The following DPF3 variants were observed in gnomAD, a reference collection of about 807,000 sequenced individuals.
DPF3 encodes the protein double PHD fingers 3, also known as zinc finger protein DPF3.
In DPF3, 18 loss-of-function variants were observed where a neutral mutation model predicts 56.8. The observed-to-expected ratio is 0.32, with a 90% CI of 0.22 to 0.47. DPF3 has a LOEUF of 0.47. DPF3 is among the 20% of genes least tolerant of loss of function. The pLI is 1.00. For synonymous variants in DPF3, 188 were observed against 180.2 expected (o/e 1.04, Z -0.35); for missense variants, 403 against 488.8 (o/e 0.82, Z 1.65).
chr14:72,816,182 A>G (rs1481047248), intron 1 of DPF3, among the ~76,000 whole-genome samples: 1 of 151,978 alleles, frequency 6.6e-6, no homozygotes, highest in Non-Finnish European at 1.5e-5. Flanking sequence ...CTGCACTCCC[A>G]CCCTTGTACA....
intron 1 of DPF3, chr14:72,773,739 C>A (rs1891639209): frequency 4.6e-6 from 2 of 437,432 alleles, no homozygotes; most frequent in East Asian, 7.0e-5. Context: ...TTGTGACTGG[C>A]TTATTTGACT....
intron 5 of DPF3, among the ~76,000 whole-genome samples, chr14:72,719,069 C>CT (rs71448401): frequency 0.024 from 2,425 of 100,656 alleles, 97 homozygotes; most frequent in Admixed American, 0.066. Flanking sequence ...CGTGCCAGGC[C>CT]TTTTTTTTTT....
At chr14:72,814,691 T>C (rs889860971) in intron 1 of DPF3, among the ~76,000 whole-genome samples, 1 of 151,982 alleles carries the variant, frequency 6.6e-6, no homozygotes, top group African/African-American at 2.4e-5. Context: ...GGCAGGTGCC[T>C]GTAAGCCCAG....
chr14:72,717,279 T>C (rs1028775991), intron 5 of DPF3, among the ~76,000 whole-genome samples: 37 of 152,234 alleles, frequency 2.4e-4, no homozygotes, highest in African/African-American at 8.2e-4. Context: ...ACACCAGCTA[T>C]GTGTCTTGGG....
intron 1 of DPF3, among the ~76,000 whole-genome samples, chr14:72,859,393 G>A (rs1351462269): frequency 6.6e-6 from 1 of 151,590 alleles, no homozygotes; most frequent in Admixed American, 6.6e-5. Flanking sequence ...TCTACCTGGG[G>A]TTTCTACCAC....
intron 6 of DPF3, among the ~76,000 whole-genome samples, chr14:72,700,039 T>C (rs911557775): frequency 6.6e-6 from 1 of 152,164 alleles, no homozygotes; most frequent in Admixed American, 6.5e-5. Flanking sequence ...CTCCCAAGTC[T>C]TAGTCCTTGG....
At chr14:72,703,015 T>A (rs529013931) in intron 6 of DPF3, among the ~76,000 whole-genome samples, 1 of 152,324 alleles carries the variant, frequency 6.6e-6, no homozygotes, top group South Asian at 2.1e-4. Flanking sequence ...TGATTTTTCT[T>A]ATCTGCAGAA....
intron 1 of DPF3, among the ~76,000 whole-genome samples, chr14:72,851,377 T>C (rs1299632160): frequency 2.0e-5 from 3 of 152,246 alleles, no homozygotes; most frequent in South Asian, 2.1e-4. Flanking sequence ...ATCTTCTCCA[T>C]AGAGCCCTCA....
intron 3 of DPF3, among the ~76,000 whole-genome samples, chr14:72,740,201 C>T (rs1890068428): frequency 6.6e-6 from 1 of 152,176 alleles, no homozygotes; most frequent in African/African-American, 2.4e-5. Context: ...GCTTGGGGAG[C>T]TACAGGGGCA....
At chr14:72,699,160 T>C (rs1244094431) in intron 6 of DPF3, among the ~76,000 whole-genome samples, 4 of 152,032 alleles carry the variant, frequency 2.6e-5, no homozygotes, top group Admixed American at 1.3e-4. Flanking sequence ...CTACACAGGA[T>C]AGAACTCAGA....
At chr14:72,631,950 G>C (rs1885194165) in intron 8 of DPF3, among the ~76,000 whole-genome samples, 1 of 152,216 alleles carries the variant, frequency 6.6e-6, no homozygotes, top group African/African-American at 2.4e-5. Context: ...GGAAGAGGAG[G>C]ATTCCAAGTA....
In DPF3 at chr14:72,851,873, G is replaced by C. The variant is rs571799150; in HGVS notation, c.32+42184C>G. 3.3e-5 allele frequency among the ~76,000 whole-genome samples: 5 copies of C among 152,356 alleles called. No individual in the cohort carries two copies. The South Asian group carries it at 1.0e-3, about 32-fold the overall frequency. ...GGGAGGACAGCTCGCCCAGCCTCCCGATTGGCCAGGCCCGCCACCAGCTGG... is the reference window on the plus strand; with the variant it reads ...GGGAGGACAGCTCGCCCAGCCTCCCCATTGGCCAGGCCCGCCACCAGCTGG... On this transcript the variant is annotated intron_variant, in intron 1 of 10. Coordinates refer to ENST00000556509, the MANE Select transcript of DPF3 (RefSeq NM_001280542.3).
chr14:72,709,098 C>A (rs1888543501), intron 6 of DPF3, among the ~76,000 whole-genome samples: 1 of 152,234 alleles, frequency 6.6e-6, no homozygotes, highest in Non-Finnish European at 1.5e-5. Context: ...CGGGAAGAGA[C>A]CCTAGACCCT....
At position 72,781,453 on chromosome 14, in the gene DPF3, G is replaced by C. The variant is rs78577341; in HGVS notation, c.33-9560C>G. ...AAAACATCCATCATGACTTCGATGT[G>C]GCTCAGTCTGATGTTCAGGCCCAGT... On this transcript the variant is annotated intron_variant, in intron 1 of 10. Transcript: ENST00000556509. Among the ~76,000 whole-genome samples the C allele has an allele frequency of 3.5e-3, 532 of 152,272 alleles. 18 individuals are homozygous for C. Among genetic ancestry groups the C allele is most frequent in the Admixed American group, 0.029 (437 of 15,302 alleles).
intron 1 of DPF3, among the ~76,000 whole-genome samples, chr14:72,849,554 G>C (rs141805793): frequency 2.5e-4 from 38 of 152,254 alleles, no homozygotes; most frequent in Admixed American, 2.4e-3. Context: ...AAGCCGGCAA[G>C]GTCCAGACCT....
At chr14:72,756,223 T>C (rs530528040) in intron 2 of DPF3, among the ~76,000 whole-genome samples, 176 of 152,342 alleles carry the variant, frequency 1.2e-3, no homozygotes, top group Middle Eastern at 3.4e-3. Flanking sequence ...ACTACTTTTC[T>C]GTTACTTTGA....
intron 1 of DPF3, among the ~76,000 whole-genome samples, chr14:72,781,270 C>T (rs985193668): frequency 6.6e-6 from 1 of 152,228 alleles, no homozygotes; most frequent in Non-Finnish European, 1.5e-5. Context: ...TCATCCCTAA[C>T]AAAATTGCCA....
rs907687173 is a variant in DPF3 at position 72,778,443 on chromosome 14, G to T, written c.33-6550C>A. On this transcript the variant is annotated intron_variant, in intron 1 of 10. Transcript: ENST00000556509. ...TCACTGTCTCCCATCAACCCCAGAT[G>T]AGACTGTCTAGTTGCAGGAAAACAA... is the stretch of plus-strand genomic sequence containing the variant. 2.0e-5 allele frequency among the ~76,000 whole-genome samples: 3 copies of T among 152,202 alleles called. No individual in the cohort carries two copies. The East Asian group carries it at 5.8e-4, about 29-fold the overall frequency.
At chr14:72,870,918 T>G (rs992898992) in intron 1 of DPF3, among the ~76,000 whole-genome samples, 14 of 152,206 alleles carry the variant, frequency 9.2e-5, no homozygotes, top group Non-Finnish European at 1.8e-4. Flanking sequence ...CTATTTGTAT[T>G]AGTCCACTTT....
Sources: allele counts gnomAD v4.1 joint callset (sites outside exome capture counted in the v4.1 genomes callset), GRCh38; gene constraint gnomAD v4.1.1; transcripts MANE v1.5; gene names NCBI Gene and HGNC (gene_info 2026-07-23, HGNC 2026-07-21).